Variants in PREX2 observed in about 807,000 individuals in gnomAD.
The protein encoded by PREX2 is phosphatidylinositol-3,4,5-trisphosphate dependent Rac exchange factor 2.
A neutral mutation model predicts 203.2 loss-of-function variants in PREX2; 107 were observed. That is an observed-to-expected ratio of 0.53 (90% CI 0.45 to 0.62). PREX2 has a LOEUF of 0.62. Among genes scored for constraint, PREX2 ranks in the 20% least tolerant of loss-of-function variants. PREX2 has a pLI of 0.00. For missense variants in PREX2, 1,777 were observed against 1,955.9 expected (o/e 0.91, Z 1.72); for synonymous variants, 672 against 663.6 (o/e 1.01, Z -0.19).
At chr8:68,091,380 A>T (rs1052954024) in intron 20 of PREX2, among the ~76,000 whole-genome samples, 2 of 152,254 alleles carry the variant, frequency 1.3e-5, no homozygotes, top group Non-Finnish European at 2.9e-5. Context: ...GAGTATTGGC[A>T]TATAAAAGAA....
chr8:68,170,047 C>A (rs1302190880), intron 35 of PREX2, among the ~76,000 whole-genome samples: 2 of 152,164 alleles, frequency 1.3e-5, no homozygotes, highest in Admixed American at 1.3e-4. Context: ...GAACATTAGC[C>A]TGAATCATAA....
chr8:68,219,005 T>C (rs953189548), intron 38 of PREX2, among the ~76,000 whole-genome samples: 7 of 152,220 alleles, frequency 4.6e-5, no homozygotes, highest in South Asian at 2.1e-4. Flanking sequence ...GGTAAACTTA[T>C]GATTATCCAT....
intron 1 of PREX2, among the ~76,000 whole-genome samples, chr8:68,003,451 A>G (rs1807003407): frequency 6.6e-6 from 1 of 152,218 alleles, no homozygotes; most frequent in Admixed American, 6.5e-5. Context: ...GCTAGTGAGT[A>G]CTATAGACCA....
At chr8:68,030,768 A>T in intron 6 of PREX2, 110 bp downstream of exon 6, 1 of 1,006,580 alleles carries the variant, frequency 9.9e-7, no homozygotes, top group Admixed American at 2.0e-5. Context: ...CTCAGATATT[A>T]CTTGAGGACT....
chr8:68,002,548 C>G (rs1016402438), intron 1 of PREX2, among the ~76,000 whole-genome samples: 2 of 152,078 alleles, frequency 1.3e-5, no homozygotes, highest in Non-Finnish European at 2.9e-5. Context: ...TTCAGTGTAC[C>G]CCTTGTAGTA....
Position 68,146,243 on chromosome 8 carries a change from G to T in PREX2, c.4122G>T (p.Arg1374=). ...TTACATATCAAGCAGAAGGAAGTCG[G>T]CAAGCTCTGAAAGTTTACTTCTACA... ...VPLTYQAEGS[R]QALKVYFYID... The change falls in exon 34 of 40, where the codon CGG becomes CGT. Residue 1374 remains arginine, a synonymous_variant. Transcript: ENST00000288368. 6.2e-6 allele frequency: 10 copies of T among 1,610,756 alleles called. No individual in the cohort carries two copies. The highest frequency in any genetic ancestry group is 5.9e-6 in the Non-Finnish European group (7 of 1,178,086).
rs1287256636 is a variant in PREX2 at position 67,963,000 on chromosome 8, C to A, written c.141+10465C>A. On this transcript the variant is annotated intron_variant, in intron 1 of 39. Coordinates refer to ENST00000288368, the MANE Select transcript of PREX2 (RefSeq NM_024870.4). ...TTTCTTGTACCACTTCATAATGAAA[C>A]CTCTGGCAGAGACTTCTAAGTGTCC... is the stretch of plus-strand genomic sequence containing the variant. Among the ~76,000 whole-genome samples the A allele has an allele frequency of 2.0e-5, 3 of 152,082 alleles. No homozygotes were observed. The East Asian group carries it at 5.8e-4, about 29-fold the overall frequency.
intron 1 of PREX2, among the ~76,000 whole-genome samples, chr8:68,000,052 G>A (rs2129609717): frequency 6.6e-6 from 1 of 152,200 alleles, no homozygotes; most frequent in Middle Eastern, 3.4e-3. Context: ...TTGAAAACTG[G>A]CACAAGACAA....
chr8:68,011,410 T>A (rs1807254461), intron 1 of PREX2, among the ~76,000 whole-genome samples: 1 of 144,152 alleles, frequency 6.9e-6, no homozygotes, highest in East Asian at 1.9e-4. Context: ...TCAAAAAAAA[T>A]GAGTAAAATG....
At chr8:68,171,120 C>G (rs1452071749) in intron 35 of PREX2, among the ~76,000 whole-genome samples, 2 of 152,096 alleles carry the variant, frequency 1.3e-5, no homozygotes, top group Non-Finnish European at 2.9e-5. Flanking sequence ...GAAGTGACAA[C>G]TTTATAATGA....
intron 10 of PREX2, 23 bp from the exon 11 acceptor site, chr8:68,060,656 T>G: frequency 6.3e-7 from 1 of 1,581,040 alleles, no homozygotes; most frequent in South Asian, 1.1e-5. Context: ...CCGTTTAGCT[T>G]TTTCACTGAC....
At chr8:68,166,926 C>G (rs1811772193) in intron 35 of PREX2, among the ~76,000 whole-genome samples, 1 of 151,920 alleles carries the variant, frequency 6.6e-6, no homozygotes, top group Non-Finnish European at 1.5e-5. Flanking sequence ...GCACTCCAGC[C>G]TGGGTGACAG....
chr8:68,107,971 C>G, intron 23 of PREX2, 138 bp from the exon 24 acceptor site: 1 of 610,372 alleles, frequency 1.6e-6, no homozygotes, highest in East Asian at 2.8e-5. Flanking sequence ...TTTCTAACAA[C>G]ATATAATTTA....
chr8:68,047,496 TATATATATATAC>T (rs1296145067), intron 8 of PREX2, among the ~76,000 whole-genome samples: 68 of 75,750 alleles, frequency 9.0e-4, no homozygotes, highest in Non-Finnish European at 1.3e-3. Flanking sequence ...TATATATATA[TATATATATATAC>T]ACATACATAT....
chr8:68,096,919 A>G, intron 21 of PREX2, 98 bp from the exon 22 acceptor site: 1 of 964,066 alleles, frequency 1.0e-6, no homozygotes. Context: ...CCATCCCTTA[A>G]AGAACTCTTT....
chr8:68,141,968 C>G (rs1811239700), intron 33 of PREX2, among the ~76,000 whole-genome samples: 1 of 152,116 alleles, frequency 6.6e-6, no homozygotes, highest in East Asian at 1.9e-4. Flanking sequence ...TTTTAAAAAG[C>G]CTTTATATTT....
rs147306128 is a variant in PREX2, at chr8:67,983,272, C to T, written c.141+30737C>T. On this transcript the variant is annotated intron_variant, in intron 1 of 39. Transcript: ENST00000288368. ...GTGAAAGAAACAAACTATGTTTTAC[C>T]TTGGCCCTGCCCCACAAGGCATTCA... Among the ~76,000 whole-genome samples, 84 of 77,432 alleles carry T rather than the reference C, an allele frequency of 1.1e-3. 2 individuals are homozygous for T. In the East Asian group the frequency reaches 0.049, roughly 45 times the overall value. The allele number at this position is 77,432 out of a possible 152,430, so 50.8% of individuals were successfully genotyped here.
intron 30 of PREX2, among the ~76,000 whole-genome samples, chr8:68,124,077 T>A (rs1200119346): frequency 6.6e-6 from 1 of 152,136 alleles, no homozygotes; most frequent in Non-Finnish European, 1.5e-5. Flanking sequence ...CATGATCAAG[T>A]AGTCTTTATC....
intron 35 of PREX2, among the ~76,000 whole-genome samples, chr8:68,187,854 G>A (rs1410516011): frequency 1.3e-5 from 2 of 152,200 alleles, no homozygotes; most frequent in African/African-American, 2.4e-5. Flanking sequence ...CAAGTGATGA[G>A]TTGTGGGCTA....
Sources: allele counts gnomAD v4.1 joint callset (sites outside exome capture counted in the v4.1 genomes callset), GRCh38; gene constraint gnomAD v4.1.1; transcripts MANE v1.5; gene names NCBI Gene and HGNC (gene_info 2026-07-23, HGNC 2026-07-21).